CELF5: variants seen among roughly 807,000 people sequenced by gnomAD.
The protein encoded by CELF5 is CUG-BP and ETR-3 like factor 5.
In CELF5, 6 loss-of-function variants were observed where a neutral mutation model predicts 54.9. The observed-to-expected ratio is 0.11, with a 90% CI of 0.06 to 0.22. The LOEUF (loss-of-function observed/expected upper bound fraction) is 0.22, where lower values mean the gene tolerates loss of function less well. Among genes scored for constraint, CELF5 ranks in the 10% least tolerant of loss-of-function variants. The pLI is 1.00. For missense variants in CELF5, 401 were observed against 678.6 expected (o/e 0.59, Z 4.54); for synonymous variants, 271 against 290.9 (o/e 0.93, Z 0.70).
Position 3,268,981 on chromosome 19 carries a change from C to T in CELF5, c.343-4891C>T, listed in dbSNP as rs935786687. Among the ~76,000 whole-genome samples, 3 of 152,076 alleles carry T rather than the reference C, an allele frequency of 2.0e-5. No homozygotes were observed. The highest frequency in any genetic ancestry group is 4.8e-5 in the African/African-American group (2 of 41,398). On this transcript the variant is annotated intron_variant, in intron 2 of 12. Transcript: ENST00000292672. The surrounding 1 kb of genome is among the most constrained non-coding windows in gnomAD (Gnocchi z 4.4). ...AATGCCAGGATCAAGGGCTGAGCCTCTACCCAGAGAGCAATAGGGAGCCAC... is the reference window on the plus strand; with the variant it reads ...AATGCCAGGATCAAGGGCTGAGCCTTTACCCAGAGAGCAATAGGGAGCCAC...
intron 2 of CELF5, among the ~76,000 whole-genome samples, chr19:3,267,497 T>TC (rs891030850): frequency 5.3e-5 from 8 of 152,138 alleles, no homozygotes; most frequent in Non-Finnish European, 1.0e-4. Context: ...CCACTTCCCA[T>TC]CCCCAAAGCC....
chr19:3,267,011 C>G (rs1484363626), intron 2 of CELF5, among the ~76,000 whole-genome samples: 2 of 152,114 alleles, frequency 1.3e-5, no homozygotes, highest in African/African-American at 4.8e-5. Flanking sequence ...CGTGAGACAC[C>G]GAGACAGCCA....
chr19:3,292,000 G>A (rs2080358445), intron 11 of CELF5, among the ~76,000 whole-genome samples: 1 of 152,102 alleles, frequency 6.6e-6, no homozygotes, highest in African/African-American at 2.4e-5. Context: ...AGGCTGGAGT[G>A]CAATTGCACG....
chr19:3,295,047 AG>A (rs1370841108), intron 12 of CELF5: 1 of 152,236 alleles, frequency 6.6e-6, no homozygotes, highest in East Asian at 1.9e-4. Flanking sequence ...CCCCCAGGTG[AG>A]GGGCCTTCCC....
rs1168704998 is a variant in CELF5 at position 3,281,159 on chromosome 19, C to T, written c.604-40C>T. 1.3e-5 allele frequency: 21 copies of T among 1,589,694 alleles called. No homozygotes were observed. Among genetic ancestry groups the T allele is most frequent in the Non-Finnish European group, 1.8e-5 (21 of 1,170,440 alleles). ...AGGGACCCCAGAGTCCTGGCTACCTCCCAGCCCGTTTCCCTCCCTGCTCGC... is the reference window on the plus strand; with the variant it reads ...AGGGACCCCAGAGTCCTGGCTACCTTCCAGCCCGTTTCCCTCCCTGCTCGC... On this transcript the variant is annotated intron_variant, in intron 5 of 12. Coordinates refer to ENST00000292672, the MANE Select transcript of CELF5 (RefSeq NM_021938.4). The surrounding 1 kb of genome is among the most constrained non-coding windows in gnomAD (Gnocchi z 6.5).
At chr19:3,235,062 C>T (rs988680170) in intron 1 of CELF5, among the ~76,000 whole-genome samples, 1 of 152,130 alleles carries the variant, frequency 6.6e-6, no homozygotes, top group Non-Finnish European at 1.5e-5. Context: ...TCCCCTGCCC[C>T]CTCTCTCCTC....
chr19:3,236,556 C>T (rs1306721767), intron 1 of CELF5, among the ~76,000 whole-genome samples: 1 of 152,050 alleles, frequency 6.6e-6, no homozygotes, highest in Non-Finnish European at 1.5e-5. Context: ...GAGGGGGGTT[C>T]CTGGCTGGGG....
At chr19:3,265,391 C>T (rs530071456) in intron 2 of CELF5, among the ~76,000 whole-genome samples, 1 of 152,278 alleles carries the variant, frequency 6.6e-6, no homozygotes, top group Admixed American at 6.5e-5. Flanking sequence ...ATTGCAACAG[C>T]AGTGTAAACG....
intron 1 of CELF5, among the ~76,000 whole-genome samples, chr19:3,242,903 G>T (rs1490528542): frequency 1.3e-5 from 2 of 152,102 alleles, no homozygotes; most frequent in African/African-American, 4.8e-5. Flanking sequence ...GGTGGAGGTT[G>T]CAGTGAGGTG....
At chr19:3,248,906 C>CTT (rs398033720) in intron 1 of CELF5, among the ~76,000 whole-genome samples, 4 of 113,404 alleles carry the variant, frequency 3.5e-5, no homozygotes, top group African/African-American at 1.3e-4. Context: ...TCCTTCCTTC[C>CTT]TTTCTTTCTT....
intron 1 of CELF5, among the ~76,000 whole-genome samples, chr19:3,241,715 T>A (rs1235598938): frequency 6.6e-6 from 1 of 152,066 alleles, no homozygotes; most frequent in Non-Finnish European, 1.5e-5. Flanking sequence ...TGAAATGGGA[T>A]CCACAGGGCC....
chr19:3,276,593 G>A (rs946719774), intron 4 of CELF5, among the ~76,000 whole-genome samples: 3 of 149,440 alleles, frequency 2.0e-5, no homozygotes, highest in African/African-American at 7.3e-5. Flanking sequence ...GGTTCACAGG[G>A]GTTGGGTGGA....
intron 2 of CELF5, among the ~76,000 whole-genome samples, chr19:3,256,232 C>G (rs1477191847): frequency 6.6e-6 from 1 of 152,110 alleles, no homozygotes; most frequent in Non-Finnish European, 1.5e-5. Flanking sequence ...CCTCTCCCGC[C>G]TGGAGAATTT....
chr19:3,273,954 G>C (rs1470021289), intron 3 of CELF5, 31 bp downstream of exon 3: 2 of 1,607,254 alleles, frequency 1.2e-6, no homozygotes, highest in African/African-American at 2.7e-5. Context: ...GCCAGGCTGG[G>C]GGTTGGCGGA....
In CELF5 at chr19:3,282,311, A is replaced by G. The variant is rs2080166231; in HGVS notation, c.893-41A>G. 6.2e-7 allele frequency: 1 copy of G among 1,608,678 alleles called. No individual in the cohort carries two copies. ...CCCAAGGATGGGTGGGCAGGGCTGGAGCCAGAACTGGCCTCCCCATGACCC... is the reference window on the plus strand; with the variant it reads ...CCCAAGGATGGGTGGGCAGGGCTGGGGCCAGAACTGGCCTCCCCATGACCC... On this transcript the variant is annotated intron_variant, in intron 7 of 12. Coordinates refer to ENST00000292672, the MANE Select transcript of CELF5 (RefSeq NM_021938.4). The surrounding 1 kb of genome is among the most constrained non-coding windows in gnomAD (Gnocchi z 5.2).
Position 3,282,034 on chromosome 19 carries a change from T to TAGTAA in CELF5, c.751-92_751-91insAGTAA. The TAGTAA allele has an allele frequency of 1.4e-6, 2 of 1,435,168 alleles. No individual in the cohort carries two copies. The highest frequency in any genetic ancestry group is 2.8e-5 in the African/African-American group (2 of 71,548). The allele number at this position is 1,435,168 out of a possible 1,614,324, so 88.9% of individuals were successfully genotyped here. A position where few individuals can be genotyped will look rare whatever the true frequency, so the allele number is the denominator to read the frequency against. On this transcript the variant is annotated intron_variant, in intron 6 of 12. Coordinates refer to ENST00000292672, the MANE Select transcript of CELF5 (RefSeq NM_021938.4). This position sits in a 1 kb window ranked among gnomAD's most constrained non-coding sequence, Gnocchi z 5.2. ...CTGAGCCAAGATACCCAGCCTGACCTCCTCACTAGTAACTGGGGTACCAAG... is the reference window on the plus strand; with the variant it reads ...CTGAGCCAAGATACCCAGCCTGACCTAGTAACCTCACTAGTAACTGGGGTACCAAG...
At chr19:3,293,654 C>A in intron 12 of CELF5, 168 bp downstream of exon 12, 1 of 594,440 alleles carries the variant, frequency 1.7e-6, no homozygotes, top group Non-Finnish European at 2.9e-6. Context: ...TGTAGACACC[C>A]CCGATCCCCC....
rs1191505972 is a variant in CELF5, at chr19:3,290,235, C to T, written c.1191C>T (p.Pro397=). 1.2e-6 allele frequency: 2 copies of T among 1,613,764 alleles called. No individual in the cohort carries two copies. The highest frequency in any genetic ancestry group is 1.7e-6 in the Non-Finnish European group (2 of 1,179,792). Residue 397 remains proline, a synonymous_variant, in exon 11 of 13, where the codon CCC becomes CCT. Transcript: ENST00000292672. ...CTTTCTCTCCCCCACCTGCAGGTCC[C>T]GAGGGCTGTAACCTGTTTATCTACC... ...PLLQQQQREG[P]EGCNLFIYHL...
Position 3,275,517 on chromosome 19 carries a change from GCTCT to G in CELF5, c.395-336_395-333del, listed in dbSNP as rs1357039440. On this transcript the variant is annotated intron_variant, in intron 3 of 12. Transcript: ENST00000292672. This position sits in a 1 kb window ranked among gnomAD's most constrained non-coding sequence, Gnocchi z 6.7. Reference sequence around the variant, plus strand: ...CTCCTAGCCCTAGTACTCGGTGCGGGCTCTCTGAGTGCACCAGAGGGAAAGGTCA... The same window carrying G: ...CTCCTAGCCCTAGTACTCGGTGCGGGCTGAGTGCACCAGAGGGAAAGGTCA... Among the ~76,000 whole-genome samples, 1 of 152,228 alleles carries G rather than the reference GCTCT, an allele frequency of 6.6e-6. No individual in the cohort carries two copies. Among genetic ancestry groups the G allele is most frequent in the Admixed American group, 6.5e-5 (1 of 15,288 alleles).
Sources: allele counts gnomAD v4.1 joint callset (sites outside exome capture counted in the v4.1 genomes callset), GRCh38; gene constraint gnomAD v4.1.1; non-coding constraint Gnocchi (gnomAD v3.1); transcripts MANE v1.5; gene names NCBI Gene and HGNC (gene_info 2026-07-23, HGNC 2026-07-21).